Variants in PSMD14 observed in about 807,000 individuals in gnomAD.
PSMD14 encodes ubiquitin C-terminal hydrolase PSMD14.
A neutral mutation model predicts 41.2 loss-of-function variants in PSMD14; 7 were observed. The ratio of observed to expected loss-of-function variants is 0.17; its 90% CI spans 0.10 to 0.32. PSMD14 has a LOEUF of 0.32. PSMD14 is among the 10% of genes least tolerant of loss of function. PSMD14 has a pLI of 1.00. For synonymous variants in PSMD14, 114 were observed against 122.3 expected, an observed-to-expected ratio of 0.93 and a Z score of 0.45; for missense variants, 139 against 375.6, an observed-to-expected ratio of 0.37 and a Z score of 5.21.
chr2:161,407,523 A>G (rs941839392), intron 10 of PSMD14: 4 of 152,264 alleles, frequency 2.6e-5, no homozygotes, highest in South Asian at 4.1e-4. Context: ...TTGTCCATTT[A>G]TAAAATTAGA....
chr2:161,325,634 C>G (rs1031490891), intron 3 of PSMD14, among the ~76,000 whole-genome samples: 1 of 152,010 alleles, frequency 6.6e-6, no homozygotes, highest in Admixed American at 6.5e-5. Context: ...AAAATATCAA[C>G]CAGAATGTTC....
Position 161,371,164 on chromosome 2 carries a change from T to C in PSMD14, c.312-8T>C. ...GTTCTGAGCATCTGAATGCCCTCTT[T>C]GTTTCAGGCCGGAGATGGTTGTTGG... is the stretch of plus-strand genomic sequence containing the variant. On this transcript the variant is annotated splice_polypyrimidine_tract_variant and splice_region_variant and intron_variant, in intron 6 of 11. Transcript: ENST00000409682. 1 of 1,612,192 alleles carries C rather than the reference T, an allele frequency of 6.2e-7. No individual in the cohort carries two copies. Among genetic ancestry groups the C allele is most frequent in the Non-Finnish European group, 8.5e-7 (1 of 1,178,836 alleles).
In PSMD14 at chr2:161,357,919, G is replaced by C. The variant is rs544134957; in HGVS notation, c.49-9559G>C. ...CTTCCTGTTCTTTTTTTTTTTTAAT[G>C]GTGGTGAAACAGTTGTTATAAGGTC... On this transcript the variant is annotated intron_variant, in intron 3 of 11. Coordinates refer to ENST00000409682, the MANE Select transcript of PSMD14 (RefSeq NM_005805.6). Among the ~76,000 whole-genome samples, 51 of 146,436 alleles carry C rather than the reference G, an allele frequency of 3.5e-4. No individual in the cohort carries two copies. In the South Asian group the frequency reaches 4.9e-3, roughly 14 times the overall value.
At chr2:161,338,524 A>G (rs1270244645) in intron 3 of PSMD14, among the ~76,000 whole-genome samples, 3 of 152,094 alleles carry the variant, frequency 2.0e-5, no homozygotes, top group Admixed American at 6.6e-5. Flanking sequence ...CTTTGTAATC[A>G]CTGTGTATGA....
chr2:161,383,237 T>A (rs1310079607), intron 7 of PSMD14: 1 of 152,096 alleles, frequency 6.6e-6, no homozygotes, highest in African/African-American at 2.4e-5. Context: ...TGTTTATATT[T>A]TATTGCATAC....
At chr2:161,324,550 TA>T (rs1207626819) in intron 3 of PSMD14, among the ~76,000 whole-genome samples, 1 of 152,052 alleles carries the variant, frequency 6.6e-6, no homozygotes, top group Non-Finnish European at 1.5e-5. Flanking sequence ...TGAAGTTGGT[TA>T]TGAAAGGTGT....
chr2:161,354,210 A>G (rs947680662), intron 3 of PSMD14, among the ~76,000 whole-genome samples: 3 of 151,966 alleles, frequency 2.0e-5, no homozygotes, highest in Non-Finnish European at 4.4e-5. Context: ...TGAAGTTTGA[A>G]CTGATCTCCG....
At chr2:161,348,133 G>A (rs1683070094) in intron 3 of PSMD14, among the ~76,000 whole-genome samples, 1 of 152,196 alleles carries the variant, frequency 6.6e-6, no homozygotes, top group South Asian at 2.1e-4. Context: ...TGTTAACAAT[G>A]AAGATTTGAC....
At chr2:161,317,580 T>C (rs761636544) in intron 2 of PSMD14, among the ~76,000 whole-genome samples, 9 of 152,204 alleles carry the variant, frequency 5.9e-5, no homozygotes, top group Non-Finnish European at 1.2e-4. Context: ...CATGGCCATA[T>C]CGTTTGTTTT....
rs182480785 is a variant in PSMD14 at position 161,342,477 on chromosome 2, T to A, written c.48+23604T>A. 1.7e-4 allele frequency among the ~76,000 whole-genome samples: 26 copies of A among 152,304 alleles called. No individual in the cohort carries two copies. In the East Asian group the frequency reaches 5.0e-3, roughly 29 times the overall value. ...TTCTTTGCTCTGAAATTGGTTGATATAATATAGGCGTTCAGCTTTCTTTTC... is the reference window on the plus strand; with the variant it reads ...TTCTTTGCTCTGAAATTGGTTGATAAAATATAGGCGTTCAGCTTTCTTTTC... On this transcript the variant is annotated intron_variant, in intron 3 of 11. Transcript: ENST00000409682.
At chr2:161,385,811 A>G (rs892522578) in intron 8 of PSMD14, among the ~76,000 whole-genome samples, 2 of 151,728 alleles carry the variant, frequency 1.3e-5, no homozygotes, top group East Asian at 3.9e-4. Flanking sequence ...TTGGGAGCAT[A>G]GTAGATCTTT....
intron 1 of PSMD14, among the ~76,000 whole-genome samples, chr2:161,311,625 C>CTTTTTT (rs34635738): frequency 1.4e-4 from 8 of 58,588 alleles, no homozygotes; most frequent in Admixed American, 4.8e-4. Flanking sequence ...CTCACTCTTC[C>CTTTTTT]TTTTTTTTTT....
chr2:161,401,971 G>C (rs1483796843), intron 10 of PSMD14, among the ~76,000 whole-genome samples: 1 of 152,098 alleles, frequency 6.6e-6, no homozygotes, highest in Non-Finnish European at 1.5e-5. Flanking sequence ...ATGAGGTTAA[G>C]GATTGTGATA....
intron 3 of PSMD14, among the ~76,000 whole-genome samples, chr2:161,360,419 G>A (rs1305136418): frequency 6.7e-6 from 1 of 150,094 alleles, no homozygotes; most frequent in Non-Finnish European, 1.5e-5. Flanking sequence ...GCAGTGGCAT[G>A]ATTTTGGCTC....
chr2:161,312,223 A>C (rs1381793433), intron 1 of PSMD14, among the ~76,000 whole-genome samples: 1 of 150,552 alleles, frequency 6.6e-6, no homozygotes, highest in Non-Finnish European at 1.5e-5. Context: ...GGCTCACTGT[A>C]ACTTCCACCT....
chr2:161,369,960 G>A (rs1683410596), intron 5 of PSMD14, 147 bp from the exon 6 acceptor site: 1 of 560,636 alleles, frequency 1.8e-6, no homozygotes, highest in African/African-American at 1.9e-5. Context: ...TGATTGGTAT[G>A]AGGTTTATAA....
intron 3 of PSMD14, among the ~76,000 whole-genome samples, chr2:161,360,195 T>A (rs1489626682): frequency 6.6e-6 from 1 of 150,522 alleles, no homozygotes; most frequent in East Asian, 2.0e-4. Context: ...GCATGTATTT[T>A]TTTTTTTTTT....
At chr2:161,308,883 G>C (rs1335007579) in intron 1 of PSMD14, 3 of 152,196 alleles carry the variant, frequency 2.0e-5, no homozygotes, top group Non-Finnish European at 2.9e-5. Flanking sequence ...CTTGTTTATG[G>C]CCTGTTTGTC....
At chr2:161,352,088 G>A (rs1173347782) in intron 3 of PSMD14, among the ~76,000 whole-genome samples, 1 of 152,184 alleles carries the variant, frequency 6.6e-6, no homozygotes, top group Non-Finnish European at 1.5e-5. Context: ...TGCATTTGGT[G>A]ATTGGCTCAA....
Sources: allele counts gnomAD v4.1 joint callset (sites outside exome capture counted in the v4.1 genomes callset), GRCh38; gene constraint gnomAD v4.1.1; transcripts MANE v1.5; gene names NCBI Gene and HGNC (gene_info 2026-07-23, HGNC 2026-07-21).